Variants in NR6A1 observed in about 807,000 individuals in gnomAD.
NR6A1 encodes the protein nuclear receptor subfamily 6 group A member 1, also known as retinoic acid receptor-related testis-associated receptor.
Under a neutral mutation model 59.1 loss-of-function variants are expected in NR6A1, and 7 were observed. That is an observed-to-expected ratio of 0.12 (90% CI 0.07 to 0.22). The LOEUF is 0.22. Ranked by LOEUF, NR6A1 falls within the 10% of genes least tolerant of loss-of-function variation. The probability of loss-of-function intolerance (pLI) is 1.00; values close to 1 mark genes in which losing one functional copy is unlikely to be tolerated. For missense variants in NR6A1, 468 were observed against 611.6 expected (o/e 0.77, Z 2.48); for synonymous variants, 243 against 236.1 (o/e 1.03, Z -0.27).
intron 2 of NR6A1, among the ~76,000 whole-genome samples, chr9:124,659,287 G>T (rs10986390): frequency 2.0e-5 from 3 of 152,038 alleles, no homozygotes; most frequent in Non-Finnish European, 2.9e-5. Context: ...GGGCGGGAGC[G>T]GGGGGGCGGG....
At chr9:124,660,648 CAAAAA>C (rs753242760) in intron 2 of NR6A1, among the ~76,000 whole-genome samples, 3 of 92,820 alleles carry the variant, frequency 3.2e-5, no homozygotes, top group South Asian at 3.8e-4. Context: ...TCTGAGAATA[CAAAAA>C]AAAAAAAAAA....
At chr9:124,545,387 T>A (rs556469082) in intron 3 of NR6A1, among the ~76,000 whole-genome samples, 1 of 152,308 alleles carries the variant, frequency 6.6e-6, no homozygotes, top group East Asian at 1.9e-4. Flanking sequence ...TTTGCTAGAA[T>A]CTTAATATTT....
At chr9:124,615,212 C>T (rs1835854092) in intron 2 of NR6A1, among the ~76,000 whole-genome samples, 1 of 152,114 alleles carries the variant, frequency 6.6e-6, no homozygotes, top group African/African-American at 2.4e-5. Context: ...CATTACAATG[C>T]CCTAATTAGA....
chr9:124,756,344 T>C (rs183608294), intron 1 of NR6A1, among the ~76,000 whole-genome samples: 79 of 152,340 alleles, frequency 5.2e-4, no homozygotes, highest in Non-Finnish European at 4.3e-4. Context: ...AAAACCTATC[T>C]TGGCAAATTA....
chr9:124,745,306 A>G (rs1050785975), intron 1 of NR6A1, among the ~76,000 whole-genome samples: 1 of 151,982 alleles, frequency 6.6e-6, no homozygotes, highest in African/African-American at 2.4e-5. Flanking sequence ...ATCTCTTAGT[A>G]TAACTAATTT....
intron 2 of NR6A1, among the ~76,000 whole-genome samples, chr9:124,676,828 C>T (rs920175934): frequency 8.5e-5 from 13 of 152,306 alleles, no homozygotes; most frequent in African/African-American, 2.9e-4. Flanking sequence ...AGATATATGG[C>T]AAGTCCTCAG....
chr9:124,707,999 A>T (rs1340835868), intron 2 of NR6A1, among the ~76,000 whole-genome samples: 1 of 152,262 alleles, frequency 6.6e-6, no homozygotes, highest in East Asian at 1.9e-4. Flanking sequence ...GATGTGTGGT[A>T]GTCTGGGCTC....
At chr9:124,722,124 G>A (rs1839582517) in intron 2 of NR6A1, among the ~76,000 whole-genome samples, 1 of 152,200 alleles carries the variant, frequency 6.6e-6, no homozygotes, top group African/African-American at 2.4e-5. Flanking sequence ...TTCTGGGCAA[G>A]AACTATGTCT....
chr9:124,602,457 G>A (rs369602791), intron 2 of NR6A1, among the ~76,000 whole-genome samples: 2 of 152,308 alleles, frequency 1.3e-5, no homozygotes, highest in East Asian at 3.9e-4. Flanking sequence ...AGCAACATGT[G>A]AAGCTGAAGT....
intron 3 of NR6A1, among the ~76,000 whole-genome samples, chr9:124,546,796 A>G (rs1433123362): frequency 6.6e-6 from 1 of 152,236 alleles, no homozygotes; most frequent in Non-Finnish European, 1.5e-5. Flanking sequence ...AACTTGGACC[A>G]TATTTTCAAA....
At chr9:124,737,127 TGTG>T (rs1840041086) in intron 1 of NR6A1, among the ~76,000 whole-genome samples, 1 of 152,220 alleles carries the variant, frequency 6.6e-6, no homozygotes, top group African/African-American at 2.4e-5. Context: ...AAGTGCTTGA[TGTG>T]GTGATTCCAG....
chr9:124,548,962 T>A (rs1833689592), intron 3 of NR6A1, among the ~76,000 whole-genome samples: 1 of 152,122 alleles, frequency 6.6e-6, no homozygotes, highest in Non-Finnish European at 1.5e-5. Context: ...CCAGGGAGCA[T>A]CCTATCACTA....
At chr9:124,545,174 T>C (rs1833562185) in intron 3 of NR6A1, among the ~76,000 whole-genome samples, 1 of 152,238 alleles carries the variant, frequency 6.6e-6, no homozygotes, top group African/African-American at 2.4e-5. Flanking sequence ...TGTATAATTA[T>C]GAACAAGTTT....
At chr9:124,727,787 C>A (rs1156798963) in intron 2 of NR6A1, among the ~76,000 whole-genome samples, 6 of 151,762 alleles carry the variant, frequency 4.0e-5, no homozygotes. Context: ...CAGGTTCAAG[C>A]GATTCTCCTG....
chr9:124,755,318 G>C (rs1232306998), intron 1 of NR6A1, among the ~76,000 whole-genome samples: 2 of 152,146 alleles, frequency 1.3e-5, no homozygotes, highest in Non-Finnish European at 2.9e-5. Context: ...GGCAATCCCT[G>C]CTGTGTATTA....
chr9:124,672,594 G>A (rs146840875), intron 2 of NR6A1, among the ~76,000 whole-genome samples: 1,610 of 151,504 alleles, frequency 0.011, 26 homozygotes, highest in African/African-American at 0.037. Context: ...CAGCCTGGGC[G>A]ACAGAGCGAG....
rs563254561 is a variant in NR6A1 at position 124,541,300 on chromosome 9, C to T, written c.442-1113G>A. On this transcript the variant is annotated intron_variant, in intron 4 of 9. Transcript: ENST00000487099. Reference sequence around the variant, plus strand: ...GGAACAGAAAAAAAACAAAACAAAACCCACTGAAAAATGAACAAGAAACTT... The same window carrying T: ...GGAACAGAAAAAAAACAAAACAAAATCCACTGAAAAATGAACAAGAAACTT... 9.9e-5 allele frequency among the ~76,000 whole-genome samples: 15 copies of T among 152,094 alleles called. 1 individual carries two copies. In the South Asian group the frequency reaches 2.7e-3, roughly 27 times the overall value.
chr9:124,667,478 C>T (rs1043387001), intron 2 of NR6A1, among the ~76,000 whole-genome samples: 1 of 152,126 alleles, frequency 6.6e-6, no homozygotes, highest in African/African-American at 2.4e-5. Context: ...GAATGAAATG[C>T]TACTGTATAT....
intron 2 of NR6A1, among the ~76,000 whole-genome samples, chr9:124,714,506 T>A (rs1201641007): frequency 6.6e-6 from 1 of 152,126 alleles, no homozygotes; most frequent in African/African-American, 2.4e-5. Context: ...GGTGAGAACA[T>A]CACTCTCACC....
Sources: gnomAD v4.1 joint callset for allele counts (sites outside exome capture counted in the v4.1 genomes callset) on GRCh38, gnomAD v4.1.1 for gene constraint, MANE v1.5 for transcripts, NCBI Gene and HGNC (gene_info 2026-07-23, HGNC 2026-07-21) for gene names.